The following DNAJC22 variants were observed in gnomAD, a reference collection of about 807,000 sequenced individuals.
The protein encoded by DNAJC22 is dnaJ homolog subfamily C member 22.
In DNAJC22, 24 loss-of-function variants were observed where a neutral mutation model predicts 22.2. That is an observed-to-expected ratio of 1.08 (90% CI 0.78 to 1.52). DNAJC22 has a LOEUF of 1.52. DNAJC22 is among the 40% of genes most tolerant of loss of function. The pLI is 0.00. For synonymous variants in DNAJC22, 160 were observed against 167.4 expected (o/e 0.96, Z 0.34); for missense variants, 434 against 421.7 (o/e 1.03, Z -0.26).
intron 3 of DNAJC22, 162 bp from the exon 4 acceptor site, chr12:49,351,155 C>T: frequency 7.0e-7 from 1 of 1,418,642 alleles, no homozygotes; most frequent in Non-Finnish European, 9.1e-7. Flanking sequence ...TATTATTACT[C>T]TATAAGGCTG....
At chr12:49,351,215 A>G (rs1182759610) in intron 3 of DNAJC22, 102 bp from the exon 4 acceptor site, 2 of 1,573,808 alleles carry the variant, frequency 1.3e-6, no homozygotes, top group Non-Finnish European at 1.7e-6. Flanking sequence ...GTAGAAGCCA[A>G]TTCTAGAGAT....
chr12:49,352,136 T>C lies in DNAJC22; in HGVS notation c.*634T>C, dbSNP rs1026468244. ...AATAAAAAATTAATTAGAAAAAATA[T>C]ATCTTTTAGAGAACACACCACCTTA... On this transcript the variant is annotated 3_prime_UTR_variant, in exon 4 of 4. Coordinates refer to ENST00000549441, the MANE Select transcript of DNAJC22 (RefSeq NM_001304944.2). 6.6e-6 allele frequency: 1 copy of C among 152,202 alleles called. No homozygotes were observed. The highest frequency in any genetic ancestry group is 1.5e-5 in the Non-Finnish European group (1 of 68,042). The allele number at this position is 152,202 out of a possible 1,614,324, so 9.4% of individuals were successfully genotyped here.
rs776108795 is a variant in DNAJC22 at position 49,351,532 on chromosome 12, TC to T, written c.*32del. On this transcript the variant is annotated 3_prime_UTR_variant, in exon 4 of 4. Transcript: ENST00000549441. ...AAACTTCCCCCTGAGGACTGACTCT[TC>T]CTAGCAGAGCTGGGCAACTTGTCCC... 1.3e-6 allele frequency: 2 copies of T among 1,504,214 alleles called. No individual in the cohort carries two copies. The highest frequency in any genetic ancestry group is 1.8e-6 in the Non-Finnish European group (2 of 1,132,888). 93.2% of individuals were successfully genotyped at this position (1,504,214 alleles called of 1,614,324 possible).
rs1280382055 is a variant in DNAJC22, at chr12:49,348,968, G to A, written c.96G>A (p.Leu32=). ...ACCTGGGAAGGGACAGCCACGCCCTGCTCTGGATGCTGACCCTGGGGGGAG... is the reference window on the plus strand; with the variant it reads ...ACCTGGGAAGGGACAGCCACGCCCTACTCTGGATGCTGACCCTGGGGGGAG... The part of the protein sequence containing the change: ...HLYLGRDSHA[L]LWMLTLGGGG... Residue 32 remains leucine (L), a synonymous_variant, in exon 3 of 4, where the codon CTG becomes CTA. Transcript: ENST00000549441. The A allele has an allele frequency of 1.3e-6, 2 of 1,547,304 alleles. No homozygotes were observed. Among genetic ancestry groups the A allele is most frequent in the African/African-American group, 2.8e-5 (2 of 72,726 alleles).
Position 49,349,551 on chromosome 12 carries a change from C to A in DNAJC22, c.679C>A (p.Leu227Ile). 2 of 1,614,272 alleles carry A rather than the reference C, an allele frequency of 1.2e-6. No homozygotes were observed. The highest frequency in any genetic ancestry group is 2.2e-5 in the South Asian group (2 of 91,088). Residue 227 changes from leucine (L) to isoleucine (I), a missense_variant, in exon 3 of 4, where the codon CTT (leucine) becomes ATT (isoleucine). Leu to Ile is a conservative substitution (Grantham distance 5, BLOSUM62 2). Coordinates refer to ENST00000549441, the MANE Select transcript of DNAJC22 (RefSeq NM_001304944.2). ...CTTGAATTGGTTCAGCTTCTTCCCC[C>A]TTCTTGGCCGCCTCATGGAGTTTGT... Reference protein sequence around the residue: ...SFLNWFSFFPLLGRLMEFVLL... With the variant: ...SFLNWFSFFPILGRLMEFVLL...
intron 3 of DNAJC22, among the ~76,000 whole-genome samples, chr12:49,350,462 C>T (rs1447444379): frequency 6.7e-6 from 1 of 149,946 alleles, no homozygotes; most frequent in African/African-American, 2.5e-5. Context: ...TTTCATTCAA[C>T]ATCATGTTTA....
At chr12:49,349,754 G>T in intron 3 of DNAJC22, 42 bp downstream of exon 3, 1 of 1,611,534 alleles carries the variant, frequency 6.2e-7, no homozygotes. Context: ...GGCTCTGGTG[G>T]CCCTCATGTG....
chr12:49,351,086 A>G, intron 3 of DNAJC22: 1 of 909,138 alleles, frequency 1.1e-6, no homozygotes, highest in Non-Finnish European at 1.3e-6. Context: ...CATGAGATCT[A>G]GAGCTTGTCT....
chr12:49,351,199 G>C, intron 3 of DNAJC22, 118 bp from the exon 4 acceptor site: 2 of 1,523,644 alleles, frequency 1.3e-6, no homozygotes. Flanking sequence ...CCTTTCCCAC[G>C]GGCAAGTAGA....
chr12:49,349,003 G>C lies in DNAJC22; in HGVS notation c.131G>C (p.Gly44Ala), dbSNP rs779456195. The change falls in exon 3 of 4, where the codon GGC becomes GCC. Residue 44 changes from glycine to alanine, a missense_variant. By Grantham distance (60) the Gly-to-Ala change is moderately conservative. Coordinates refer to ENST00000549441, the MANE Select transcript of DNAJC22 (RefSeq NM_001304944.2). ...CTGACCCTGGGGGGAGGTGGGCTGG[G>C]CTGGCTCTGGGAGTTCTGGAAGCTC... Reference protein sequence around the residue: ...WMLTLGGGGLGWLWEFWKLPS... With the variant: ...WMLTLGGGGLAWLWEFWKLPS... 9 of 1,572,484 alleles carry C rather than the reference G, an allele frequency of 5.7e-6. No individual in the cohort carries two copies. The highest frequency in any genetic ancestry group is 3.7e-5 in the Admixed American group (2 of 54,574).
rs897259649 is a variant in DNAJC22 at position 49,353,501 on chromosome 12, G to C, written c.*1999G>C. 2 of 152,010 alleles carry C rather than the reference G, an allele frequency of 1.3e-5. No individual in the cohort carries two copies. Among genetic ancestry groups the C allele is most frequent in the African/African-American group, 4.8e-5 (2 of 41,404 alleles). The allele number at this position is 152,010 out of a possible 1,614,324, so 9.4% of individuals were successfully genotyped here. A position where few individuals can be genotyped will look rare whatever the true frequency, so the allele number is the denominator to read the frequency against. On this transcript the variant is annotated 3_prime_UTR_variant, in exon 4 of 4. Coordinates refer to ENST00000549441, the MANE Select transcript of DNAJC22 (RefSeq NM_001304944.2). ...CCATCTCTACAAAAAGTACAAAAATGAGCCAGGTGTTGTGGGGTGCGCCTG... is the reference window on the plus strand; with the variant it reads ...CCATCTCTACAAAAAGTACAAAAATCAGCCAGGTGTTGTGGGGTGCGCCTG...
intron 3 of DNAJC22, 153 bp from the exon 4 acceptor site, chr12:49,351,164 T>G (rs1943779254): frequency 6.9e-7 from 1 of 1,442,682 alleles, no homozygotes; most frequent in African/African-American, 1.5e-5. Context: ...TCTATAAGGC[T>G]GGAATTCTAA....
At position 49,349,676 on chromosome 12, in the gene DNAJC22, C is replaced by T. The variant is rs768136926; in HGVS notation, c.804C>T (p.His268=). 1 of 1,614,210 alleles carries T rather than the reference C, an allele frequency of 6.2e-7. No individual in the cohort carries two copies. The highest frequency in any genetic ancestry group is 8.5e-7 in the Non-Finnish European group (1 of 1,180,036). The change falls in exon 3 of 4, where the codon CAC becomes CAT. Residue 268 remains histidine, a synonymous_variant. Transcript: ENST00000549441. ...GGGCGAAGCTCTATGAGTTTGTTCA[C>T]AGTTTTCAGGATGAGAAGCGTCAGC... ...QEWAKLYEFV[H]SFQDEKRQLA...
rs937068836 is a variant in DNAJC22 at position 49,353,685 on chromosome 12, T to C, written c.*2183T>C. 2 of 149,738 alleles carry C rather than the reference T, an allele frequency of 1.3e-5. No individual in the cohort carries two copies. Among genetic ancestry groups the C allele is most frequent in the African/African-American group, 2.5e-5 (1 of 39,332 alleles). The allele number at this position is 149,738 out of a possible 1,614,324, so 9.3% of individuals were successfully genotyped here. A position where few individuals can be genotyped will look rare whatever the true frequency, so the allele number is the denominator to read the frequency against. On this transcript the variant is annotated 3_prime_UTR_variant, in exon 4 of 4. Coordinates refer to ENST00000549441, the MANE Select transcript of DNAJC22 (RefSeq NM_001304944.2). ...TAAATAAATAAATAAAGTGGAATTA[T>C]GTTGATGACTATTCTCTCTATTCTC...
Position 49,349,485 on chromosome 12 carries a change from G to T in DNAJC22, c.613G>T (p.Ala205Ser). 6.2e-7 allele frequency: 1 copy of T among 1,614,224 alleles called. No individual in the cohort carries two copies. Among genetic ancestry groups the T allele is most frequent in the South Asian group, 1.1e-5 (1 of 91,088 alleles). ...GGCATACAGTGCCCTCTGCAACACA[G>T]CTGCCACCCTCAGCTATGTGGCAGA... The part of the protein sequence containing the change: ...PLAYSALCNT[A>S]ATLSYVAETF... Residue 205 changes from alanine to serine, a missense_variant, in exon 3 of 4, where the codon GCT becomes TCT. Physicochemically the swap from Ala to Ser is moderately conservative, Grantham distance 99 (BLOSUM62 1). Coordinates refer to ENST00000549441, the MANE Select transcript of DNAJC22 (RefSeq NM_001304944.2).
intron 3 of DNAJC22, chr12:49,351,097 A>G (rs764420861): frequency 2.8e-5 from 26 of 941,876 alleles, no homozygotes; most frequent in Non-Finnish European, 3.2e-5. Flanking sequence ...GAGCTTGTCT[A>G]TGTTTCAAAA....
In DNAJC22 at chr12:49,352,546, G is replaced by GTAAGTAAA. The variant is rs1555175168; in HGVS notation, c.*1047_*1048insGTAAATAA. 6.8e-5 allele frequency: 10 copies of GTAAGTAAA among 147,174 alleles called. No homozygotes were observed. Among genetic ancestry groups the GTAAGTAAA allele is most frequent in the African/African-American group, 2.2e-4 (8 of 36,872 alleles). 9.1% of individuals were successfully genotyped at this position (147,174 alleles called of 1,614,324 possible). A position where few individuals can be genotyped will look rare whatever the true frequency, so the allele number is the denominator to read the frequency against. ...AAAAATTAAATAAATAAATAAGTAA[G>GTAAGTAAA]TAAATAAATAAATAAATAAATGTAT... is the stretch of plus-strand genomic sequence containing the variant. On this transcript the variant is annotated 3_prime_UTR_variant, in exon 4 of 4. Coordinates refer to ENST00000549441, the MANE Select transcript of DNAJC22 (RefSeq NM_001304944.2).
In DNAJC22 at chr12:49,349,651, G is replaced by A. The variant is rs1441870526; in HGVS notation, c.779G>A (p.Trp260Ter). 2 of 1,614,120 alleles carry A rather than the reference G, an allele frequency of 1.2e-6. No individual in the cohort carries two copies. Among genetic ancestry groups the A allele is most frequent in the South Asian group, 1.1e-5 (1 of 91,092 alleles). ...TGFNSSCFQE[W>*]AKLYEFVHSF... ...TTCAACAGCAGCTGCTTTCAGGAGTGGGCGAAGCTCTATGAGTTTGTTCAC... is the reference window on the plus strand; with the variant it reads ...TTCAACAGCAGCTGCTTTCAGGAGTAGGCGAAGCTCTATGAGTTTGTTCAC... The change falls in exon 3 of 4, where the codon TGG becomes TAG. Residue 260 changes from tryptophan (W) to a stop codon, truncating the protein, a stop_gained. Transcript: ENST00000549441. LOFTEE classifies it high-confidence loss of function.
chr12:49,348,748 C>G lies in DNAJC22; in HGVS notation c.-107-18C>G, dbSNP rs916918816. 4 of 1,323,790 alleles carry G rather than the reference C, an allele frequency of 3.0e-6. No individual in the cohort carries two copies. The highest frequency in any genetic ancestry group is 3.9e-6 in the Non-Finnish European group (4 of 1,018,784). 82.0% of individuals were successfully genotyped at this position (1,323,790 alleles called of 1,614,324 possible). The stretch of plus-strand genomic sequence containing the variant: ...GCCTGGACATCATCTTATGACTCTA[C>G]TTTTTCCCATCTCTTAGGGTCTAAG... On this transcript the variant is annotated intron_variant, in intron 2 of 3. Coordinates refer to ENST00000549441, the MANE Select transcript of DNAJC22 (RefSeq NM_001304944.2).
Sources: gnomAD v4.1 joint callset for allele counts (sites outside exome capture counted in the v4.1 genomes callset) on GRCh38, gnomAD v4.1.1 for gene constraint, MANE v1.5 for transcripts, NCBI Gene and HGNC (gene_info 2026-07-23, HGNC 2026-07-21) for gene names.